NDC1: variants seen among roughly 807,000 people sequenced by gnomAD.
NDC1 encodes NDC1 transmembrane nucleoporin.
Under a neutral mutation model 89.8 loss-of-function variants are expected in NDC1, and 24 were observed. The ratio of observed to expected loss-of-function variants is 0.27; its 90% CI spans 0.19 to 0.38. The LOEUF (loss-of-function observed/expected upper bound fraction) is 0.38, where lower values mean the gene tolerates loss of function less well. NDC1 is among the 10% of genes least tolerant of loss of function. The pLI is 1.00. For missense variants in NDC1, 728 were observed against 797.6 expected (o/e 0.91, Z 1.05); for synonymous variants, 296 against 284.8 (o/e 1.04, Z -0.39).
intron 5 of NDC1, among the ~76,000 whole-genome samples, chr1:53,821,253 G>A (rs1648660200): frequency 6.6e-6 from 1 of 151,824 alleles, no homozygotes. Flanking sequence ...GGCCATCATG[G>A]CAAAGCCCCG....
rs1159986666 is a variant in NDC1 at position 53,772,723 on chromosome 1, A to AACATAACATAACAT, written c.1801-235_1801-234insATGTTATGTTATGT. ...TAACATAACATAACATAACATAACA[A>AACATAACATAACAT]AACAAAACAAACATAATATAACATA... On this transcript the variant is annotated intron_variant, in intron 16 of 17. Coordinates refer to ENST00000371429, the MANE Select transcript of NDC1 (RefSeq NM_018087.5). 3.9e-3 allele frequency among the ~76,000 whole-genome samples: 464 copies of AACATAACATAACAT among 118,618 alleles called. 1 individual carries two copies. Among genetic ancestry groups the AACATAACATAACAT allele is most frequent in the Non-Finnish European group, 6.3e-3 (349 of 55,018 alleles). The allele number at this position is 118,618 out of a possible 152,430, so 77.8% of individuals were successfully genotyped here. A position where few individuals can be genotyped will look rare whatever the true frequency, so the allele number is the denominator to read the frequency against.
At position 53,802,068 on chromosome 1, in the gene NDC1, T is replaced by C. The variant is rs192224385; in HGVS notation, c.1067-1220A>G. Among the ~76,000 whole-genome samples the C allele has an allele frequency of 4.4e-3, 664 of 152,318 alleles. 2 individuals are homozygous for C. Among genetic ancestry groups the C allele is most frequent in the African/African-American group, 0.015 (636 of 41,580 alleles). ...TAAATTTTTTTTATGTGCTAGAATG[T>C]ACACTCTCTGGCAGAGCAAATGCCA... On this transcript the variant is annotated intron_variant, in intron 10 of 17. Transcript: ENST00000371429.
chr1:53,783,942 G>A (rs535635234), intron 16 of NDC1, among the ~76,000 whole-genome samples: 33 of 152,296 alleles, frequency 2.2e-4, no homozygotes, highest in African/African-American at 7.2e-4. Context: ...TGACAAATCT[G>A]TAATTCCTAT....
chr1:53,791,431 G>A (rs563550557), intron 14 of NDC1, among the ~76,000 whole-genome samples: 1 of 142,076 alleles, frequency 7.0e-6, no homozygotes, highest in South Asian at 2.2e-4. Flanking sequence ...GCGAGACTCC[G>A]TCTGAAAAAA....
Position 53,766,793 on chromosome 1 carries a change from A to G in NDC1, c.*1177T>C, listed in dbSNP as rs1442361392. 1 of 152,238 alleles carries G rather than the reference A, an allele frequency of 6.6e-6. No individual in the cohort carries two copies. The highest frequency in any genetic ancestry group is 2.4e-5 in the African/African-American group (1 of 41,458). 9.4% of individuals were successfully genotyped at this position (152,238 alleles called of 1,614,324 possible). ...GACACTAGAAGGAAAAGACAATAGGAAAAGAATTACAAAGGAGCATTTCAG... is the reference window on the plus strand; with the variant it reads ...GACACTAGAAGGAAAAGACAATAGGGAAAGAATTACAAAGGAGCATTTCAG... On this transcript the variant is annotated 3_prime_UTR_variant, in exon 18 of 18. Transcript: ENST00000371429.
At chr1:53,832,284 A>G (rs1356026040) in intron 3 of NDC1, among the ~76,000 whole-genome samples, 1 of 152,150 alleles carries the variant, frequency 6.6e-6, no homozygotes, top group Non-Finnish European at 1.5e-5. Flanking sequence ...AGAATCATAT[A>G]ATATTTGTCC....
chr1:53,824,697 G>T (rs1405597050), intron 5 of NDC1, among the ~76,000 whole-genome samples: 2 of 152,158 alleles, frequency 1.3e-5, no homozygotes, highest in African/African-American at 4.8e-5. Context: ...TTCCAGGAAT[G>T]ACTCCTACCA....
At chr1:53,800,186 T>C (rs2100655140) in intron 11 of NDC1, among the ~76,000 whole-genome samples, 1 of 152,188 alleles carries the variant, frequency 6.6e-6, no homozygotes, top group Non-Finnish European at 1.5e-5. Flanking sequence ...GTGTACAACG[T>C]GATGTTTTGG....
At chr1:53,791,387 G>A (rs1281929207) in intron 14 of NDC1, among the ~76,000 whole-genome samples, 1 of 149,318 alleles carries the variant, frequency 6.7e-6, no homozygotes, top group Non-Finnish European at 1.5e-5. Context: ...AGTGAGCCCA[G>A]ATCGCGCCAC....
chr1:53,791,351 GGAGCTTGCAGTGAGCCC>G (rs1312072165), intron 14 of NDC1, among the ~76,000 whole-genome samples: 21 of 151,824 alleles, frequency 1.4e-4, no homozygotes, highest in South Asian at 4.2e-4. Context: ...CTTGGGAGGC[GGAGCTTGCAGTGAGCCC>G]GAGCTTGCAG....
At chr1:53,784,149 G>C (rs1275618353) in intron 16 of NDC1, among the ~76,000 whole-genome samples, 1 of 151,848 alleles carries the variant, frequency 6.6e-6, no homozygotes, top group Non-Finnish European at 1.5e-5. Context: ...AAATGAAATA[G>C]AATGAAAAAT....
At chr1:53,775,509 T>C (rs1041237111) in intron 16 of NDC1, among the ~76,000 whole-genome samples, 12 of 152,146 alleles carry the variant, frequency 7.9e-5, no homozygotes, top group Non-Finnish European at 1.0e-4. Context: ...TCCGCCCGCC[T>C]CAGCCTCCCA....
chr1:53,780,349 C>T (rs1455496333), intron 16 of NDC1, among the ~76,000 whole-genome samples: 2 of 152,166 alleles, frequency 1.3e-5, no homozygotes, highest in Non-Finnish European at 2.9e-5. Context: ...CCTGGGATTA[C>T]AGGCGTGAGC....
intron 16 of NDC1, among the ~76,000 whole-genome samples, chr1:53,776,822 C>T (rs1270602728): frequency 1.3e-5 from 2 of 152,076 alleles, no homozygotes; most frequent in Non-Finnish European, 2.9e-5. Flanking sequence ...TCATGCAATA[C>T]TACATGATTT....
Position 53,783,706 on chromosome 1 carries a change from G to A in NDC1, c.1800+3452C>T, listed in dbSNP as rs995430340. ...TAATGAATTAATGCAGATTATAGAG[G>A]GGTTTAATACTGTGAGTTCGATCTC... On this transcript the variant is annotated intron_variant, in intron 16 of 17. Coordinates refer to ENST00000371429, the MANE Select transcript of NDC1 (RefSeq NM_018087.5). Among the ~76,000 whole-genome samples, 3 of 152,136 alleles carry A rather than the reference G, an allele frequency of 2.0e-5. No individual in the cohort carries two copies. In the South Asian group the frequency reaches 6.2e-4, roughly 32 times the overall value.
intron 13 of NDC1, among the ~76,000 whole-genome samples, chr1:53,794,499 G>A (rs992888441): frequency 3.9e-5 from 6 of 152,154 alleles, no homozygotes; most frequent in Non-Finnish European, 7.3e-5. Context: ...CGAAGTTTAT[G>A]AAATGCCTTT....
intron 11 of NDC1, among the ~76,000 whole-genome samples, chr1:53,799,993 T>C (rs1380519811): frequency 6.6e-6 from 1 of 152,198 alleles, no homozygotes; most frequent in Non-Finnish European, 1.5e-5. Context: ...CAACTTTTTG[T>C]CTCTGGACTA....
Position 53,827,673 on chromosome 1 carries a change from A to C in NDC1, c.455+326T>G, listed in dbSNP as rs529896561. On this transcript the variant is annotated intron_variant, in intron 4 of 17. Coordinates refer to ENST00000371429, the MANE Select transcript of NDC1 (RefSeq NM_018087.5). ...GATCCCTCTTGTTTTCTGAACCTCC[A>C]CAGGTTTTGTCTGCACATCTCACTT... is the stretch of plus-strand genomic sequence containing the variant. Among the ~76,000 whole-genome samples, 3 of 152,274 alleles carry C rather than the reference A, an allele frequency of 2.0e-5. No individual in the cohort carries two copies. The East Asian group carries it at 5.8e-4, about 29-fold the overall frequency.
In NDC1 at chr1:53,786,829, T is replaced by C. The variant is rs998090647; in HGVS notation, c.1800+329A>G. Among the ~76,000 whole-genome samples the C allele has an allele frequency of 2.5e-4, 38 of 152,248 alleles. No homozygotes were observed. The Middle Eastern group carries it at 0.01, about 41-fold the overall frequency. ...CTCCCACCTCGGGCTCCTGAGTAGCTGGGACTACAAGCATACACCACCATG... is the reference window on the plus strand; with the variant it reads ...CTCCCACCTCGGGCTCCTGAGTAGCCGGGACTACAAGCATACACCACCATG... On this transcript the variant is annotated intron_variant, in intron 16 of 17. Coordinates refer to ENST00000371429, the MANE Select transcript of NDC1 (RefSeq NM_018087.5).
Sources: allele counts gnomAD v4.1 joint callset (sites outside exome capture counted in the v4.1 genomes callset), GRCh38; gene constraint gnomAD v4.1.1; transcripts MANE v1.5; gene names NCBI Gene and HGNC (gene_info 2026-07-23, HGNC 2026-07-21).